CAPN5: variants seen among roughly 807,000 people sequenced by gnomAD.
CAPN5 encodes calpain 5, also known as calpain-5.
CAPN5 carries 54 observed loss-of-function variants against 73.0 expected under a neutral mutation model. That is an observed-to-expected ratio of 0.74 (90% CI 0.59 to 0.93). CAPN5 has a LOEUF of 0.93. Among genes scored for constraint, CAPN5 ranks in the 40% least tolerant of loss-of-function variants. The probability of loss-of-function intolerance (pLI) is 0.00; values close to 1 mark genes in which losing one functional copy is unlikely to be tolerated. For synonymous variants in CAPN5, 335 were observed against 356.9 expected (o/e 0.94, Z 0.69); for missense variants, 785 against 882.9 (o/e 0.89, Z 1.41).
rs147161694 is a variant in CAPN5 at position 77,100,083 on chromosome 11, C to T, written c.297+6270C>T. On this transcript the variant is annotated intron_variant, in intron 3 of 12. Transcript: ENST00000648180. Reference sequence around the variant, plus strand: ...AACTCTTGACCTCAGGTGATCCACCCGCCTCGGCCTCCCAAGGTGCTGGGA... The same window carrying T: ...AACTCTTGACCTCAGGTGATCCACCTGCCTCGGCCTCCCAAGGTGCTGGGA... Among the ~76,000 whole-genome samples, 388 of 152,276 alleles carry T rather than the reference C, an allele frequency of 2.5e-3. 3 individuals carry two copies. Among genetic ancestry groups the T allele is most frequent in the African/African-American group, 8.7e-3 (362 of 41,544 alleles).
intron 1 of CAPN5, chr11:77,073,243 GC>G: frequency 1.8e-6 from 1 of 547,240 alleles, no homozygotes; most frequent in Non-Finnish European, 3.1e-6. Flanking sequence ...TTGGCCTGGG[GC>G]TGCCCCCTGC....
At chr11:77,107,502 A>G (rs1420086614) in intron 3 of CAPN5, among the ~76,000 whole-genome samples, 8 of 150,722 alleles carry the variant, frequency 5.3e-5, no homozygotes, top group African/African-American at 2.0e-4. Flanking sequence ...TGGGCTGCCG[A>G]CCCCCTCCTT....
At chr11:77,080,626 C>G (rs1555034480) in intron 1 of CAPN5, among the ~76,000 whole-genome samples, 1 of 152,178 alleles carries the variant, frequency 6.6e-6, no homozygotes, top group African/African-American at 2.4e-5. Context: ...CCCGCTACCT[C>G]CAGCAGGTCC....
chr11:77,115,515 T>C lies in CAPN5; in HGVS notation c.820T>C (p.Ser274Pro). Residue 274 changes from serine to proline, a missense_variant, in exon 6 of 13, where the codon TCA becomes CCA. By Grantham distance (74) the Ser-to-Pro change is moderately conservative. Coordinates refer to ENST00000648180, the MANE Select transcript of CAPN5 (RefSeq NM_004055.5). ...CCACGGCCTACTGGCCTTCTTCAAG[T>C]CAGAGAAGTTGGACATGATCCGCCT... The part of the protein sequence containing the change: ...LGHGLLAFFK[S>P]EKLDMIRLRN... The C allele has an allele frequency of 6.2e-7, 1 of 1,613,330 alleles. No individual in the cohort carries two copies. Among genetic ancestry groups the C allele is most frequent in the Non-Finnish European group, 8.5e-7 (1 of 1,179,998 alleles).
chr11:77,068,661 A>C lies in CAPN5; in HGVS notation c.-36+1567A>C, dbSNP rs1591104635. ...GCTTCCACTGAGGGCTATAAGGAGG[A>C]GGCCAAAGCAGGGAGAGGGCCCTCC... On this transcript the variant is annotated intron_variant, in intron 1 of 12. Coordinates refer to ENST00000648180, the MANE Select transcript of CAPN5 (RefSeq NM_004055.5). 2.0e-5 allele frequency among the ~76,000 whole-genome samples: 3 copies of C among 152,204 alleles called. No homozygotes were observed. In the East Asian group the frequency reaches 5.8e-4, roughly 30 times the overall value.
chr11:77,114,135 A>G (rs990374168), intron 4 of CAPN5, 107 bp from the exon 5 acceptor site: 23 of 995,526 alleles, frequency 2.3e-5, no homozygotes, highest in Non-Finnish European at 3.6e-5. Context: ...GCGTGACTGT[A>G]ACAGGTTGTT....
rs114934049 is a variant in CAPN5 at position 77,113,412 on chromosome 11, C to T, written c.506+615C>T. Among the ~76,000 whole-genome samples, 130 of 152,306 alleles carry T rather than the reference C, an allele frequency of 8.5e-4. 1 individual carries two copies. Among genetic ancestry groups the T allele is most frequent in the African/African-American group, 3.1e-3 (127 of 41,564 alleles). On this transcript the variant is annotated intron_variant, in intron 4 of 12. Coordinates refer to ENST00000648180, the MANE Select transcript of CAPN5 (RefSeq NM_004055.5). ...GAAGAGTGACTCGCGCAGGCCGTTG[C>T]AGGGCAGGGATACGCCTAGGCCAGG...
chr11:77,085,345 T>C (rs1442061718), intron 2 of CAPN5, among the ~76,000 whole-genome samples: 2 of 152,202 alleles, frequency 1.3e-5, no homozygotes, highest in African/African-American at 4.8e-5. Context: ...AGGGTCATTT[T>C]TGGAATAAAA....
rs1565275138 is a variant in CAPN5, at chr11:77,112,792, T to C, written c.501T>C (p.Tyr167=). ...GGTGCGCCCTAGTGGAGAAGGCCTA[T>C]GCCAAGTAGGTGCCAGCAGCAGGCA... ...EFWCALVEKA[Y]AKLAGCYQAL... Residue 167 remains tyrosine, a synonymous_variant, in exon 4 of 13, where the codon TAT becomes TAC. Coordinates refer to ENST00000648180, the MANE Select transcript of CAPN5 (RefSeq NM_004055.5). 6.2e-7 allele frequency: 1 copy of C among 1,614,136 alleles called. No homozygotes were observed. The highest frequency in any genetic ancestry group is 2.2e-5 in the East Asian group (1 of 44,876).
At chr11:77,069,736 A>G (rs1358740551) in intron 1 of CAPN5, among the ~76,000 whole-genome samples, 3 of 151,960 alleles carry the variant, frequency 2.0e-5, no homozygotes, top group Admixed American at 2.0e-4. Context: ...CCATCTATTC[A>G]AGTGTTTTGA....
intron 1 of CAPN5, among the ~76,000 whole-genome samples, chr11:77,075,455 T>C (rs111452029): frequency 0.019 from 2,846 of 152,196 alleles, 95 homozygotes; most frequent in African/African-American, 0.064. Context: ...GACCAGAGAA[T>C]TGGAGGCTTG....
At chr11:77,109,538 A>G (rs531932614) in intron 3 of CAPN5, among the ~76,000 whole-genome samples, 32 of 152,312 alleles carry the variant, frequency 2.1e-4, no homozygotes, top group African/African-American at 7.7e-4. Context: ...ATCTTTGGCC[A>G]TCAGGAACCT....
At chr11:77,098,469 A>C (rs1429348628) in intron 3 of CAPN5, among the ~76,000 whole-genome samples, 4 of 69,172 alleles carry the variant, frequency 5.8e-5, no homozygotes, top group African/African-American at 1.3e-4. Flanking sequence ...GGCGCCCCTC[A>C]CCTCCCAGAC....
At chr11:77,091,596 C>T (rs1431584100) in intron 2 of CAPN5, among the ~76,000 whole-genome samples, 1 of 152,218 alleles carries the variant, frequency 6.6e-6, no homozygotes, top group African/African-American at 2.4e-5. Flanking sequence ...TGCCTGTCCC[C>T]ACCCTCCACC....
At chr11:77,087,420 G>A (rs907451530) in intron 2 of CAPN5, among the ~76,000 whole-genome samples, 12 of 152,188 alleles carry the variant, frequency 7.9e-5, no homozygotes, top group Non-Finnish European at 4.4e-5. Context: ...GAGAAGTCGT[G>A]CTGCATGCCC....
chr11:77,072,928 G>T, intron 1 of CAPN5: 1 of 391,224 alleles, frequency 2.6e-6, no homozygotes, highest in Non-Finnish European at 4.9e-6. Context: ...AGCTTTCCTG[G>T]GCTCACACAG....
chr11:77,087,805 C>T (rs1950104438), intron 2 of CAPN5: 1 of 1,191,564 alleles, frequency 8.4e-7, no homozygotes, highest in Non-Finnish European at 1.2e-6. Flanking sequence ...GACCTAGAGC[C>T]ACCTTGGTTG....
rs888665730 is a variant in CAPN5, at chr11:77,077,075, A to G, written c.-35-7777A>G. On this transcript the variant is annotated intron_variant, in intron 1 of 12. Coordinates refer to ENST00000648180, the MANE Select transcript of CAPN5 (RefSeq NM_004055.5). ...GACGTATCTTTTGTAAAAAGATTTA[A>G]GTCAGGCACAGTGGCTCATGCCTGT... Among the ~76,000 whole-genome samples the G allele has an allele frequency of 3.9e-5, 6 of 152,352 alleles. No individual in the cohort carries two copies. In the East Asian group the frequency reaches 1.2e-3, roughly 29 times the overall value.
chr11:77,075,536 G>T lies in CAPN5; in HGVS notation c.-36+8442G>T, dbSNP rs573018716. The stretch of plus-strand genomic sequence containing the variant: ...CCAGCCTGGGGCACTTTCCCACTCC[G>T]CCTCCCTTCCCTTTAGGTCAGCCCA... On this transcript the variant is annotated intron_variant, in intron 1 of 12. Transcript: ENST00000648180. Among the ~76,000 whole-genome samples, 6 of 152,248 alleles carry T rather than the reference G, an allele frequency of 3.9e-5. No individual in the cohort carries two copies. The South Asian group carries it at 8.3e-4, about 21-fold the overall frequency.
Sources: gnomAD v4.1 joint callset for allele counts (sites outside exome capture counted in the v4.1 genomes callset) on GRCh38, gnomAD v4.1.1 for gene constraint, MANE v1.5 for transcripts, NCBI Gene and HGNC (gene_info 2026-07-23, HGNC 2026-07-21) for gene names.